CYP4Z1: variants seen among roughly 807,000 people sequenced by gnomAD.
The protein encoded by CYP4Z1 is cytochrome P450 4Z1.
CYP4Z1 carries 41 observed loss-of-function variants against 54.2 expected under a neutral mutation model. The observed-to-expected ratio is 0.76, with a 90% CI of 0.59 to 0.98. The LOEUF is 0.98. Ranked by LOEUF, CYP4Z1 falls within the 50% of genes least tolerant of loss-of-function variation. CYP4Z1 has a pLI of 0.00. For missense variants in CYP4Z1, 513 were observed against 599.0 expected (o/e 0.86, Z 1.50); for synonymous variants, 163 against 206.2 (o/e 0.79, Z 1.79).
At chr1:47,104,498 A>G (rs4926792) in intron 8 of CYP4Z1, among the ~76,000 whole-genome samples, 65,111 of 151,702 alleles carry the variant, frequency 0.43, 15,279 homozygotes, top group East Asian at 0.96. Flanking sequence ...TTGCGCACCT[A>G]GGCATCAGGC....
intron 8 of CYP4Z1, among the ~76,000 whole-genome samples, chr1:47,105,476 G>C (rs758481835): frequency 7.2e-5 from 11 of 152,220 alleles, no homozygotes; most frequent in Non-Finnish European, 1.6e-4. Flanking sequence ...AGGAGTCCGT[G>C]GTGGGAACGT....
the CYP4Z1 span, among the ~76,000 whole-genome samples, chr1:47,058,283 T>C: frequency 6.6e-6 from 1 of 152,102 alleles, no homozygotes; most frequent in Non-Finnish European, 1.5e-5. Context: ...ATTATAATTA[T>C]AATTTTTCAC....
At chr1:47,057,399 C>T in the CYP4Z1 span, among the ~76,000 whole-genome samples, 9 of 120,398 alleles carry the variant, frequency 7.5e-5, no homozygotes, top group African/African-American at 2.5e-4. Flanking sequence ...TTCAATATTA[C>T]TCTCTTCTCT....
chr1:47,071,109 A>C (rs1341708175), intron 2 of CYP4Z1, among the ~76,000 whole-genome samples: 1 of 152,306 alleles, frequency 6.6e-6, no homozygotes, highest in African/African-American at 2.4e-5. Flanking sequence ...TCTATTTAAA[A>C]AAAAATAGAC....
chr1:47,065,114 G>T (rs1644442856), upstream of CYP4Z1, among the ~76,000 whole-genome samples: 2 of 152,088 alleles, frequency 1.3e-5, no homozygotes, highest in Admixed American at 1.3e-4. Context: ...GACAGCACTA[G>T]ACCGGTCATC....
intron 6 of CYP4Z1, among the ~76,000 whole-genome samples, chr1:47,085,601 G>A (rs11211436): frequency 0.26 from 38,772 of 151,664 alleles, 5,807 homozygotes; most frequent in East Asian, 0.7. Flanking sequence ...CTTTCCTTTG[G>A]TTAGTATTTT....
intron 2 of CYP4Z1, among the ~76,000 whole-genome samples, chr1:47,079,273 C>T (rs764526033): frequency 1.2e-4 from 19 of 152,130 alleles, no homozygotes; most frequent in Non-Finnish European, 4.4e-5. Context: ...TGCAATGCCA[C>T]CAATCTTTTC....
At chr1:47,079,581 C>G (rs963952511) in intron 2 of CYP4Z1, among the ~76,000 whole-genome samples, 2 of 152,226 alleles carry the variant, frequency 1.3e-5, no homozygotes, top group Non-Finnish European at 2.9e-5. Context: ...ACATCCTTAA[C>G]AATTCTATCA....
At chr1:47,101,414 T>C (rs939859004) in intron 8 of CYP4Z1, among the ~76,000 whole-genome samples, 2 of 152,202 alleles carry the variant, frequency 1.3e-5, no homozygotes, top group African/African-American at 2.4e-5. Flanking sequence ...AGCACTGCTT[T>C]TACTGTATGT....
upstream of CYP4Z1, among the ~76,000 whole-genome samples, chr1:47,062,271 A>G (rs1644428296): frequency 6.6e-6 from 1 of 152,246 alleles, no homozygotes; most frequent in East Asian, 1.9e-4. Flanking sequence ...ACAGTGTGTG[A>G]AGACTCACAT....
Position 47,094,659 on chromosome 1 carries a change from T to C in CYP4Z1, c.866T>C (p.Leu289Ser). ...KRRWDFLDIL[L>S]SAKSENTKDF... is the part of the protein sequence containing the mutation. ...CGCTGGGATTTTCTGGACATACTTT[T>C]GAGTGCCAAAGTAAGTCTTCTAAAC... is the stretch of plus-strand genomic sequence containing the variant. The change falls in exon 7 of 12, where the codon TTG (leucine) becomes TCG (serine). Residue 289 changes from leucine (L) to serine (S), a missense_variant. Transcript: ENST00000334194. 3 of 1,610,288 alleles carry C rather than the reference T, an allele frequency of 1.9e-6. No individual in the cohort carries two copies. Among genetic ancestry groups the C allele is most frequent in the South Asian group, 2.2e-5 (2 of 90,068 alleles).
intron 6 of CYP4Z1, among the ~76,000 whole-genome samples, chr1:47,090,037 T>G (rs1213351803): frequency 1.3e-5 from 2 of 152,250 alleles, no homozygotes; most frequent in Non-Finnish European, 2.9e-5. Context: ...ACTTAAAATT[T>G]CTGACATGTC....
chr1:47,061,866 G>A, the CYP4Z1 span, among the ~76,000 whole-genome samples: 1 of 152,144 alleles, frequency 6.6e-6, no homozygotes. Context: ...TAGGGTGCAA[G>A]GTTTGTTCAA....
Position 47,118,144 on chromosome 1 carries a change from A to T in CYP4Z1, c.*210A>T, listed in dbSNP as rs1348294574. On this transcript the variant is annotated 3_prime_UTR_variant, in exon 12 of 12. Transcript: ENST00000334194. ...CCACAAAAACACCTGAAAAAACTCA[A>T]GCTGACTTCCACTGCGAAGGGAAAT... is the stretch of plus-strand genomic sequence containing the variant. 8.1e-6 allele frequency: 4 copies of T among 493,334 alleles called. No individual in the cohort carries two copies. The highest frequency in any genetic ancestry group is 1.4e-5 in the Non-Finnish European group (4 of 290,522). 30.6% of individuals were successfully genotyped at this position (493,334 alleles called of 1,614,324 possible).
intron 8 of CYP4Z1, 83 bp from the exon 9 acceptor site, chr1:47,106,045 C>T (rs1644754659): frequency 1.3e-6 from 2 of 1,502,872 alleles, no homozygotes; most frequent in Non-Finnish European, 1.8e-6. Flanking sequence ...TTCTCAGTTA[C>T]AAAAATGGAG....
At chr1:47,069,011 A>G (rs1644473135) in intron 2 of CYP4Z1, among the ~76,000 whole-genome samples, 1 of 152,216 alleles carries the variant, frequency 6.6e-6, no homozygotes, top group Admixed American at 6.5e-5. Context: ...TGATGCTTCC[A>G]TCACATTTAC....
chr1:47,116,865 T>G (rs536173429), intron 11 of CYP4Z1, 133 bp downstream of exon 11: 1 of 633,418 alleles, frequency 1.6e-6, no homozygotes, highest in Admixed American at 2.8e-5. Flanking sequence ...TGTCTTCTCT[T>G]GTGACCAGTG....
upstream of CYP4Z1, among the ~76,000 whole-genome samples, chr1:47,064,105 T>C (rs1644438037): frequency 7.3e-6 from 1 of 136,814 alleles, no homozygotes; most frequent in South Asian, 2.3e-4. Context: ...TTTTTTGAGA[T>C]AGAGTCTCAC....
At chr1:47,083,890 C>A (rs1042717324) in intron 4 of CYP4Z1, among the ~76,000 whole-genome samples, 2 of 152,122 alleles carry the variant, frequency 1.3e-5, no homozygotes, top group Non-Finnish European at 2.9e-5. Context: ...CAGTTGCAAT[C>A]TTTCAGAACA....
Sources: allele counts gnomAD v4.1 joint callset (sites outside exome capture counted in the v4.1 genomes callset), GRCh38; gene constraint gnomAD v4.1.1; transcripts MANE v1.5; gene names NCBI Gene and HGNC (gene_info 2026-07-23, HGNC 2026-07-21).